HIF3A: variants seen among roughly 807,000 people sequenced by gnomAD.
HIF3A encodes the protein hypoxia-inducible factor 3-alpha.
Under a neutral mutation model 67.2 loss-of-function variants are expected in HIF3A, and 41 were observed. That is an observed-to-expected ratio of 0.61 (90% confidence interval 0.48 to 0.79). HIF3A has a LOEUF of 0.79. HIF3A is among the 30% of genes least tolerant of loss of function. HIF3A has a pLI of 0.00. For missense variants in HIF3A, 855 were observed against 898.0 expected (o/e 0.95, Z 0.61); for synonymous variants, 356 against 374.8 (o/e 0.95, Z 0.58).
chr19:46,307,156 C>T (rs1322796681), intron 3 of HIF3A, among the ~76,000 whole-genome samples: 3 of 152,196 alleles, frequency 2.0e-5, no homozygotes, highest in Non-Finnish European at 4.4e-5. Flanking sequence ...CTAAAGCAGC[C>T]TCCCATCATT....
At position 46,314,390 on chromosome 19, in the gene HIF3A, AAAAC is replaced by A. The variant is rs1969749629; in HGVS notation, c.1025+1743_1025+1746del. On this transcript the variant is annotated intron_variant, in intron 8 of 14. Coordinates refer to ENST00000377670, the MANE Select transcript of HIF3A (RefSeq NM_152795.4). ...AAACCTGAAAACAAACCAAAAAAAA[AAAAC>A]AAACACAAAAATATATATGGTTTTC... Among the ~76,000 whole-genome samples, 2 of 146,056 alleles carry A rather than the reference AAAAC, an allele frequency of 1.4e-5. 1 individual carries two copies. Among genetic ancestry groups the A allele is most frequent in the Non-Finnish European group, 3.0e-5 (2 of 66,726 alleles).
Position 46,329,462 on chromosome 19 carries a change from G to T in HIF3A, c.1696G>T (p.Ala566Ser). Residue 566 changes from alanine (A) to serine (S), a missense_variant, in exon 12 of 15, where the codon GCT (alanine) becomes TCT (serine). By Grantham distance (99) the Ala-to-Ser change is moderately conservative (BLOSUM62 1). Transcript: ENST00000377670. The part of the protein sequence containing the change: ...RGDPSASSPM[A>S]GARKRTLAQS... ...GGACCCCTCAGCATCCTCTCCCATG[G>T]CTGGGGCTCGGAAGAGGTGAGCCAC... 6.6e-7 allele frequency: 1 copy of T among 1,524,588 alleles called. No individual in the cohort carries two copies. The highest frequency in any genetic ancestry group is 8.8e-7 in the Non-Finnish European group (1 of 1,134,738). 94.4% of individuals were successfully genotyped at this position (1,524,588 alleles called of 1,614,324 possible).
intron 14 of HIF3A, chr19:46,338,130 A>G (rs975147155): frequency 4.4e-6 from 2 of 450,972 alleles, no homozygotes; most frequent in Admixed American, 2.4e-5. Flanking sequence ...AGATTCATCC[A>G]TCCTGGTCAC....
rs2147273883 is a variant in HIF3A, at chr19:46,329,347, C to A, written c.1581C>A (p.Phe527Leu). Reference sequence around the variant, plus strand: ...TCCCCCGGCCCCGTGCTCGGAGCTTCCATGGCCTGTCACCTCCAGCCCTTG... The same window carrying A: ...TCCCCCGGCCCCGTGCTCGGAGCTTACATGGCCTGTCACCTCCAGCCCTTG... ...GAVPRPRARS[F>L]HGLSPPALEP... is the part of the protein sequence containing the mutation. The change falls in exon 12 of 15, where the codon TTC becomes TTA. Residue 527 changes from phenylalanine to leucine, a missense_variant. This residue lies in a region of HIF3A where 199 missense variants were observed against 193.8 expected (regional missense o/e 1.03). Coordinates refer to ENST00000377670, the MANE Select transcript of HIF3A (RefSeq NM_152795.4). 1 of 1,613,248 alleles carries A rather than the reference C, an allele frequency of 6.2e-7. No individual in the cohort carries two copies.
rs61750957 is a variant in HIF3A, at chr19:46,309,194, C to T, written c.605C>T (p.Ala202Val). ...CATATGAGGGCCTACAAGCCACCTG[C>T]GCAGACTTCTCCAGCTGGGAGCCCT... is the stretch of plus-strand genomic sequence containing the variant. ...SGHMRAYKPP[A>V]QTSPAGSPDS... is the part of the protein sequence containing the mutation. The change falls in exon 6 of 15, where the codon GCG becomes GTG. Residue 202 changes from alanine (A) to valine (V), a missense_variant. Ala to Val is a moderately conservative substitution (Grantham distance 64). Around this residue, in one of 3 missense-constraint regions of HIF3A, gnomAD observed 638 missense variants for 660.5 expected, o/e 0.97. Transcript: ENST00000377670. 0.071 allele frequency: 114,019 copies of T among 1,613,918 alleles called. 4,528 individuals are homozygous for T. Among genetic ancestry groups the T allele is most frequent in the African/African-American group, 0.13 (9,777 of 75,012 alleles).
intron 6 of HIF3A, 75 bp from the exon 7 acceptor site, chr19:46,312,086 C>A (rs1969477312): frequency 9.5e-7 from 1 of 1,049,960 alleles, no homozygotes; most frequent in Non-Finnish European, 1.5e-6. Flanking sequence ...GTGTCCTCTG[C>A]TGCTACTTCC....
At position 46,334,711 on chromosome 19, in the gene HIF3A, C is replaced by G. The variant is rs575994884; in HGVS notation, c.1831-194C>G. Among the ~76,000 whole-genome samples the G allele has an allele frequency of 6.6e-5, 10 of 152,050 alleles. No homozygotes were observed. The South Asian group carries it at 1.0e-3, about 16-fold the overall frequency. On this transcript the variant is annotated intron_variant, in intron 13 of 14. Coordinates refer to ENST00000377670, the MANE Select transcript of HIF3A (RefSeq NM_152795.4). ...TACAGGCACATGCCATCACACCCAGCTAATTTTTAAATTTTTGTAGAGATG... is the reference window on the plus strand; with the variant it reads ...TACAGGCACATGCCATCACACCCAGGTAATTTTTAAATTTTTGTAGAGATG...
chr19:46,339,673 C>A lies in HIF3A; in HGVS notation c.*51C>A. The A allele has an allele frequency of 7.3e-7, 1 of 1,371,404 alleles. No homozygotes were observed. Among genetic ancestry groups the A allele is most frequent in the Non-Finnish European group, 1.0e-6 (1 of 987,474 alleles). The allele number at this position is 1,371,404 out of a possible 1,614,324, so 85.0% of individuals were successfully genotyped here. On this transcript the variant is annotated 3_prime_UTR_variant, in exon 15 of 15. Coordinates refer to ENST00000377670, the MANE Select transcript of HIF3A (RefSeq NM_152795.4). Reference sequence around the variant, plus strand: ...CTCCTCCCCCAGAAAGGACCTCAACCACACTCCACGCCGGCAGCCAACGCA... The same window carrying A: ...CTCCTCCCCCAGAAAGGACCTCAACAACACTCCACGCCGGCAGCCAACGCA...
intron 1 of HIF3A, chr19:46,298,445 G>T: frequency 7.8e-7 from 1 of 1,288,582 alleles, no homozygotes; most frequent in Non-Finnish European, 1.0e-6. Context: ...TCGCACCCGG[G>T]TCCTGGCTGC....
At chr19:46,322,531 C>T (rs1259799202) in intron 10 of HIF3A, among the ~76,000 whole-genome samples, 3 of 152,124 alleles carry the variant, frequency 2.0e-5, no homozygotes, top group Non-Finnish European at 4.4e-5. Context: ...CCTCCACCTC[C>T]GAGGTTCAAG....
intron 9 of HIF3A, among the ~76,000 whole-genome samples, 174 bp from the exon 10 acceptor site, chr19:46,321,602 C>T (rs10409837): frequency 0.84 from 128,203 of 152,114 alleles, 54,245 homozygotes; most frequent in East Asian, 1. Flanking sequence ...AAATAAAGTT[C>T]ACACCTGGCC....
chr19:46,335,057 C>T (rs1327096377), intron 14 of HIF3A, 71 bp downstream of exon 14: 2 of 1,257,924 alleles, frequency 1.6e-6, no homozygotes, highest in South Asian at 1.4e-5. Context: ...GGGATGGAGC[C>T]ATTCCAAAGG....
chr19:46,321,905 C>T lies in HIF3A; in HGVS notation c.1274C>T (p.Ala425Val), dbSNP rs779928821. Residue 425 changes from alanine to valine, a missense_variant, in exon 10 of 15, where the codon GCT (alanine) becomes GTT (valine). Physicochemically the swap from Ala to Val is moderately conservative, Grantham distance 64. Coordinates refer to ENST00000377670, the MANE Select transcript of HIF3A (RefSeq NM_152795.4). ...RRLLGPILDGASVAATPSTPL... is the reference protein window; with the variant it reads ...RRLLGPILDGVSVAATPSTPL... ...CTCCTGGGACCCATCCTGGATGGGG[C>T]TTCAGTAGCAGCCACTCCCAGCACC... is the stretch of plus-strand genomic sequence containing the variant. The T allele has an allele frequency of 1.2e-6, 2 of 1,613,910 alleles. No individual in the cohort carries two copies. The highest frequency in any genetic ancestry group is 1.7e-5 in the Admixed American group (1 of 60,022).
Position 46,329,484 on chromosome 19 carries a change from C to T in HIF3A, c.1712+6C>T, listed in dbSNP as rs1159991592. 6.4e-5 allele frequency: 97 copies of T among 1,507,418 alleles called. No individual in the cohort carries two copies. The highest frequency in any genetic ancestry group is 8.3e-5 in the Non-Finnish European group (94 of 1,127,600). 93.4% of individuals were successfully genotyped at this position (1,507,418 alleles called of 1,614,324 possible). ...ATGGCTGGGGCTCGGAAGAGGTGAG[C>T]CACAGTAAAGGGGGGACATCAAGGC... On this transcript the variant is annotated splice_donor_region_variant and intron_variant, in intron 12 of 14. Coordinates refer to ENST00000377670, the MANE Select transcript of HIF3A (RefSeq NM_152795.4).
intron 1 of HIF3A, among the ~76,000 whole-genome samples, chr19:46,299,830 C>T (rs1226610687): frequency 6.6e-6 from 1 of 151,780 alleles, no homozygotes; most frequent in Non-Finnish European, 1.5e-5. Flanking sequence ...GGGGGCGGGA[C>T]ACCCAACAGG....
intron 5 of HIF3A, 103 bp from the exon 6 acceptor site, chr19:46,309,048 G>A: frequency 1.0e-6 from 1 of 982,324 alleles, no homozygotes; most frequent in East Asian, 2.5e-5. Context: ...CATGGGGTTG[G>A]AATCTCAGCT....
At chr19:46,318,876 C>T (rs1970144275) in intron 8 of HIF3A, among the ~76,000 whole-genome samples, 2 of 152,092 alleles carry the variant, frequency 1.3e-5, no homozygotes, top group South Asian at 4.1e-4. Context: ...CTGCTTTGGC[C>T]TCCCAAAGTG....
At chr19:46,303,537 GC>G in intron 1 of HIF3A, 1 of 1,347,628 alleles carries the variant, frequency 7.4e-7, no homozygotes, top group Non-Finnish European at 1.0e-6. Flanking sequence ...AGCTCAGCCA[GC>G]CCCCTCCCAG....
At chr19:46,310,284 A>G (rs1969317026) in intron 6 of HIF3A, among the ~76,000 whole-genome samples, 1 of 152,114 alleles carries the variant, frequency 6.6e-6, no homozygotes, top group South Asian at 2.1e-4. Context: ...AGTCCCAGCT[A>G]CGCAGGAGGC....
Sources: allele counts gnomAD v4.1 joint callset (sites outside exome capture counted in the v4.1 genomes callset), GRCh38; gene constraint gnomAD v4.1.1; regional missense constraint gnomAD v4.1.1; transcripts MANE v1.5; gene names NCBI Gene and HGNC (gene_info 2026-07-23, HGNC 2026-07-21).